Variants in GIMAP8 observed in about 807,000 individuals in gnomAD.
The protein encoded by GIMAP8 is GTPase IMAP family member 8.
A neutral mutation model predicts 35.6 loss-of-function variants in GIMAP8; 29 were observed. The observed-to-expected ratio is 0.81, with a 90% CI of 0.61 to 1.11. GIMAP8 has a LOEUF of 1.11. Ranked by LOEUF, GIMAP8 falls within the 50% of genes most tolerant of loss-of-function variation. The probability of loss-of-function intolerance (pLI) is 0.00; values close to 1 mark genes in which losing one functional copy is unlikely to be tolerated. For synonymous variants in GIMAP8, 335 were observed against 308.7 expected (o/e 1.09, Z -0.89); for missense variants, 811 against 805.0 (o/e 1.01, Z -0.09).
At chr7:150,455,727 C>G (rs185894417) in intron 1 of GIMAP8, among the ~76,000 whole-genome samples, 8 of 152,326 alleles carry the variant, frequency 5.3e-5, no homozygotes, top group Non-Finnish European at 1.0e-4. Context: ...TTCAGTACAT[C>G]TGGGGCAGGG....
At chr7:150,463,699 G>C (rs1362846921) in intron 1 of GIMAP8, among the ~76,000 whole-genome samples, 1 of 152,246 alleles carries the variant, frequency 6.6e-6, no homozygotes, top group Non-Finnish European at 1.5e-5. Flanking sequence ...GAGATACCAA[G>C]TGGGCTCACC....
intron 1 of GIMAP8, among the ~76,000 whole-genome samples, chr7:150,465,489 A>G (rs1801935413): frequency 6.6e-6 from 1 of 152,178 alleles, no homozygotes; most frequent in African/African-American, 2.4e-5. Context: ...TCCAGGCCTC[A>G]CTTGATTTCA....
At chr7:150,453,487 C>T (rs1801664027) in intron 1 of GIMAP8, among the ~76,000 whole-genome samples, 1 of 152,230 alleles carries the variant, frequency 6.6e-6, no homozygotes, top group African/African-American at 2.4e-5. Flanking sequence ...CCCTGCAGTG[C>T]AGCCTCTCCC....
chr7:150,453,384 A>C (rs1052412412), intron 1 of GIMAP8, among the ~76,000 whole-genome samples: 1 of 152,214 alleles, frequency 6.6e-6, no homozygotes, highest in Non-Finnish European at 1.5e-5. Context: ...AGATGATTCC[A>C]GAGAGAGGCC....
In GIMAP8 at chr7:150,474,633, A is replaced by G; in HGVS notation, c.1304A>G (p.Glu435Gly). Residue 435 changes from glutamate (E) to glycine (G), a missense_variant, in exon 4 of 5, where the codon GAA (glutamate) becomes GGA (glycine). Glu to Gly is a moderately conservative substitution (Grantham distance 98). Transcript: ENST00000307271. ...QNGNKHCVFREKETLNIVLVG... is the reference protein window; with the variant it reads ...QNGNKHCVFRGKETLNIVLVG... ...GGGAACAAGCATTGTGTTTTCAGAG[A>G]AAAAGGTAAAACTGTGAATAGGATA... 1 of 1,576,142 alleles carries G rather than the reference A, an allele frequency of 6.3e-7. No individual in the cohort carries two copies. The highest frequency in any genetic ancestry group is 1.7e-4 in the Middle Eastern group (1 of 5,868).
At chr7:150,466,028 T>C (rs1383372299) in intron 1 of GIMAP8, among the ~76,000 whole-genome samples, 3 of 152,184 alleles carry the variant, frequency 2.0e-5, no homozygotes, top group African/African-American at 4.8e-5. Flanking sequence ...TCCAAGACCA[T>C]GGTCATACCC....
Position 150,472,018 on chromosome 7 carries a change from G to T in GIMAP8, c.682+1144G>T, listed in dbSNP as rs1319873519. ...CTCATTTCACAGCTGAGTGCACTCAGCCAGAAATACGTGTACTCAGGCAGA... is the reference window on the plus strand; with the variant it reads ...CTCATTTCACAGCTGAGTGCACTCATCCAGAAATACGTGTACTCAGGCAGA... On this transcript the variant is annotated intron_variant, in intron 3 of 4. Transcript: ENST00000307271. The surrounding 1 kb of genome is among the most constrained non-coding windows in gnomAD (Gnocchi z 4.1). Among the ~76,000 whole-genome samples the T allele has an allele frequency of 1.3e-5, 2 of 152,152 alleles. No homozygotes were observed. The highest frequency in any genetic ancestry group is 4.8e-5 in the African/African-American group (2 of 41,448).
intron 1 of GIMAP8, among the ~76,000 whole-genome samples, chr7:150,452,975 G>A (rs1485169627): frequency 6.6e-6 from 1 of 151,604 alleles, no homozygotes; most frequent in Non-Finnish European, 1.5e-5. Flanking sequence ...TCCACGTATT[G>A]GGCATATACT....
chr7:150,463,878 G>A (rs1440468669), intron 1 of GIMAP8, among the ~76,000 whole-genome samples: 1 of 152,156 alleles, frequency 6.6e-6, no homozygotes, highest in Non-Finnish European at 1.5e-5. Context: ...ACAGCAACAG[G>A]TTTGGTGGGC....
In GIMAP8 at chr7:150,477,493, G is replaced by C. The variant is rs1387191701; in HGVS notation, c.1711G>C (p.Gly571Arg). The C allele has an allele frequency of 1.2e-6, 2 of 1,614,188 alleles. No individual in the cohort carries two copies. Among genetic ancestry groups the C allele is most frequent in the Admixed American group, 1.7e-5 (1 of 60,022 alleles). ...IMLFTRKEDL[G>R]AGNLEDFMKN... ...GCTGTTCACCCGGAAGGAAGACCTA[G>C]GGGCGGGGAATTTGGAAGACTTCAT... Residue 571 changes from glycine (G) to arginine (R), a missense_variant, in exon 5 of 5, where the codon GGG becomes CGG. By Grantham distance (125) the Gly-to-Arg change is moderately radical. Transcript: ENST00000307271.
At chr7:150,462,566 A>G (rs1028294013) in intron 1 of GIMAP8, among the ~76,000 whole-genome samples, 5 of 152,144 alleles carry the variant, frequency 3.3e-5, no homozygotes, top group African/African-American at 1.2e-4. Context: ...TGTATGGGAA[A>G]GGCTTTATTT....
At chr7:150,458,310 C>T (rs1380782476) in intron 1 of GIMAP8, among the ~76,000 whole-genome samples, 1 of 152,110 alleles carries the variant, frequency 6.6e-6, no homozygotes, top group Admixed American at 6.5e-5. Context: ...CAGGAAGAGC[C>T]AATGTGGCAG....
intron 1 of GIMAP8, among the ~76,000 whole-genome samples, chr7:150,457,267 G>A (rs752741849): frequency 3.2e-4 from 49 of 152,338 alleles, no homozygotes; most frequent in African/African-American, 1.1e-3. Flanking sequence ...CACCTCGAGC[G>A]ATTTTCCGCC....
intron 4 of GIMAP8, among the ~76,000 whole-genome samples, chr7:150,475,738 G>C (rs906151876): frequency 1.3e-5 from 2 of 152,122 alleles, no homozygotes; most frequent in African/African-American, 4.8e-5. Context: ...ATAGATACAT[G>C]GGAAAGTCAG....
intron 1 of GIMAP8, among the ~76,000 whole-genome samples, chr7:150,452,311 G>A (rs952290349): frequency 3.4e-5 from 5 of 148,928 alleles, no homozygotes; most frequent in African/African-American, 1.3e-4. Flanking sequence ...GTGCATGTGC[G>A]TGTGTGTATG....
At chr7:150,461,172 C>G (rs1801837132) in intron 1 of GIMAP8, among the ~76,000 whole-genome samples, 1 of 152,210 alleles carries the variant, frequency 6.6e-6, no homozygotes, top group South Asian at 2.1e-4. Flanking sequence ...GGAAAATTCT[C>G]TATGTGCTTA....
chr7:150,452,653 A>G lies in GIMAP8; in HGVS notation c.-29+1478A>G, dbSNP rs868007639. Among the ~76,000 whole-genome samples, 213 of 123,644 alleles carry G rather than the reference A, an allele frequency of 1.7e-3. 2 individuals carry two copies. The highest frequency in any genetic ancestry group is 6.0e-3 in the African/African-American group (195 of 32,284). The allele number at this position is 123,644 out of a possible 152,430, so 81.1% of individuals were successfully genotyped here. On this transcript the variant is annotated intron_variant, in intron 1 of 4. Coordinates refer to ENST00000307271, the MANE Select transcript of GIMAP8 (RefSeq NM_175571.4). ...TATATATGTATATATATGTGTGTATATGTGTGTGTGTGTGTGTGTGAGATA... is the reference window on the plus strand; with the variant it reads ...TATATATGTATATATATGTGTGTATGTGTGTGTGTGTGTGTGTGTGAGATA...
chr7:150,476,594 C>G (rs1360279335), intron 4 of GIMAP8, among the ~76,000 whole-genome samples: 4 of 152,190 alleles, frequency 2.6e-5, no homozygotes, highest in Admixed American at 2.6e-4. Flanking sequence ...GTTTCTTTTT[C>G]ATGAAAGTCA....
At position 150,478,900 on chromosome 7, in the gene GIMAP8, C is replaced by T. The variant is rs895548052; in HGVS notation, c.*1120C>T. 1 of 152,168 alleles carries T rather than the reference C, an allele frequency of 6.6e-6. No individual in the cohort carries two copies. The highest frequency in any genetic ancestry group is 2.4e-5 in the African/African-American group (1 of 41,426). 9.4% of individuals were successfully genotyped at this position (152,168 alleles called of 1,614,324 possible). ...TGATATGTGAGAGAGAAATCTGGAA[C>T]CTTCTTCTGGGTAGATACAGGATAA... On this transcript the variant is annotated 3_prime_UTR_variant, in exon 5 of 5. Transcript: ENST00000307271.
Sources: gnomAD v4.1 joint callset for allele counts (sites outside exome capture counted in the v4.1 genomes callset) on GRCh38, gnomAD v4.1.1 for gene constraint, Gnocchi (gnomAD v3.1) non-coding constraint, MANE v1.5 for transcripts, NCBI Gene and HGNC (gene_info 2026-07-23, HGNC 2026-07-21) for gene names.